YWHAG: variants seen among roughly 807,000 people sequenced by gnomAD.
The protein encoded by YWHAG is 14-3-3 protein gamma.
A neutral mutation model predicts 23.3 loss-of-function variants in YWHAG; 1 was observed. The observed-to-expected ratio is 0.04, with a 90% CI of 0.02 to 0.20. The LOEUF (loss-of-function observed/expected upper bound fraction) is 0.20. Among genes scored for constraint, YWHAG ranks in the 10% least tolerant of loss-of-function variants. YWHAG has a pLI of 1.00. For synonymous variants in YWHAG, 160 were observed against 144.0 expected, an observed-to-expected ratio of 1.11 and a Z score of -0.80; for missense variants, 151 against 338.6, an observed-to-expected ratio of 0.45 and a Z score of 4.35.
chr7:76,358,962 C>A lies in YWHAG; in HGVS notation c.-154G>T, dbSNP rs937025773. On this transcript the variant is annotated 5_prime_UTR_variant, in exon 1 of 2. Coordinates refer to ENST00000307630, the MANE Select transcript of YWHAG (RefSeq NM_012479.4). ...TGCGCGGAGGAGGCGGCTGGAGCTG[C>A]GACCGCGGGACCGGGCGCGAGGCGG... is the stretch of plus-strand genomic sequence containing the variant. The A allele has an allele frequency of 4.9e-6, 3 of 615,720 alleles. No homozygotes were observed. The highest frequency in any genetic ancestry group is 3.9e-5 in the African/African-American group (2 of 51,730). The allele number at this position is 615,720 out of a possible 1,614,324, so 38.1% of individuals were successfully genotyped here.
Position 76,328,814 on chromosome 7 carries a change from C to T in YWHAG, c.*763G>A, listed in dbSNP as rs972499085. The T allele has an allele frequency of 6.6e-5, 10 of 150,594 alleles. No individual in the cohort carries two copies. Among genetic ancestry groups the T allele is most frequent in the African/African-American group, 2.5e-4 (10 of 40,800 alleles). The allele number at this position is 150,594 out of a possible 1,614,324, so 9.3% of individuals were successfully genotyped here. ...AAAGAAGGACCAAAAAAAAAAAATC[C>T]CACAGCCACCTGACCTGAAGTCGCT... On this transcript the variant is annotated 3_prime_UTR_variant, in exon 2 of 2. Transcript: ENST00000307630.
At chr7:76,356,631 T>C (rs1474681663) in intron 1 of YWHAG, among the ~76,000 whole-genome samples, 1 of 152,238 alleles carries the variant, frequency 6.6e-6, no homozygotes. Flanking sequence ...TTGTTTAAAA[T>C]TTCTTTTATT....
Position 76,329,388 on chromosome 7 carries a change from A to G in YWHAG, c.*189T>C, listed in dbSNP as rs1242226100. ...CTGCTATTCCAATACCAGCACAGCTAGCCTGACTTTCCACTAGTGGTATTT... is the reference window on the plus strand; with the variant it reads ...CTGCTATTCCAATACCAGCACAGCTGGCCTGACTTTCCACTAGTGGTATTT... On this transcript the variant is annotated 3_prime_UTR_variant, in exon 2 of 2. Coordinates refer to ENST00000307630, the MANE Select transcript of YWHAG (RefSeq NM_012479.4). The surrounding 1 kb of genome is among the most constrained non-coding windows in gnomAD (Gnocchi z 6.1). 2.9e-6 allele frequency: 2 copies of G among 678,284 alleles called. No individual in the cohort carries two copies. The highest frequency in any genetic ancestry group is 4.9e-6 in the Non-Finnish European group (2 of 412,146). 42.0% of individuals were successfully genotyped at this position (678,284 alleles called of 1,614,324 possible).
chr7:76,330,306 T>C (rs761972667), intron 1 of YWHAG, 73 bp from the exon 2 acceptor site: 10 of 1,456,586 alleles, frequency 6.9e-6, no homozygotes, highest in Non-Finnish European at 8.3e-6. Context: ...TTTGAGACAC[T>C]AGAACAGAGC....
chr7:76,342,124 T>C (rs1043565474), intron 1 of YWHAG, among the ~76,000 whole-genome samples: 3 of 152,214 alleles, frequency 2.0e-5, no homozygotes, highest in Admixed American at 6.5e-5. Flanking sequence ...TCTAGTAATG[T>C]AGTGCAGGTT....
intron 1 of YWHAG, among the ~76,000 whole-genome samples, chr7:76,356,863 G>A (rs756056856): frequency 2.0e-5 from 3 of 152,168 alleles, no homozygotes; most frequent in Non-Finnish European, 2.9e-5. Flanking sequence ...GGAATATGAA[G>A]TGCTCGATTC....
intron 1 of YWHAG, among the ~76,000 whole-genome samples, chr7:76,347,253 C>CT (rs1488607245): frequency 6.6e-6 from 1 of 152,218 alleles, no homozygotes; most frequent in Non-Finnish European, 1.5e-5. Flanking sequence ...GCATTTATTT[C>CT]TTTCACCTGC....
intron 1 of YWHAG, among the ~76,000 whole-genome samples, chr7:76,346,126 G>A (rs975306035): frequency 6.6e-6 from 1 of 151,882 alleles, no homozygotes; most frequent in Admixed American, 6.6e-5. Context: ...ACTGTCTTCC[G>A]ACCCCAGGCA....
At chr7:76,335,017 C>G (rs189930052) in intron 1 of YWHAG, among the ~76,000 whole-genome samples, 1 of 152,132 alleles carries the variant, frequency 6.6e-6, no homozygotes, top group Non-Finnish European at 1.5e-5. Flanking sequence ...AAGTTTCTGC[C>G]TTCTCTACTA....
intron 1 of YWHAG, among the ~76,000 whole-genome samples, chr7:76,338,084 T>C (rs1361457496): frequency 6.6e-6 from 1 of 152,070 alleles, no homozygotes; most frequent in African/African-American, 2.4e-5. Context: ...TACATCACAT[T>C]GTATCACAAC....
intron 1 of YWHAG, among the ~76,000 whole-genome samples, chr7:76,347,161 TTC>T (rs1803790939): frequency 6.6e-6 from 1 of 152,182 alleles, no homozygotes; most frequent in Non-Finnish European, 1.5e-5. Flanking sequence ...TTACTTCAAT[TTC>T]TTTTGTGGAA....
At chr7:76,334,676 A>C (rs1803592349) in intron 1 of YWHAG, among the ~76,000 whole-genome samples, 1 of 151,894 alleles carries the variant, frequency 6.6e-6, no homozygotes, top group South Asian at 2.1e-4. Context: ...TTGGCCTCCT[A>C]AAGTTCTGGG....
chr7:76,337,423 C>T (rs1303597668), intron 1 of YWHAG, among the ~76,000 whole-genome samples: 1 of 152,174 alleles, frequency 6.6e-6, no homozygotes, highest in East Asian at 1.9e-4. Flanking sequence ...CACATATTGT[C>T]ACAGCTTGGA....
chr7:76,345,202 T>G (rs1438842390), intron 1 of YWHAG, among the ~76,000 whole-genome samples: 3 of 150,448 alleles, frequency 2.0e-5, no homozygotes, highest in African/African-American at 7.3e-5. Flanking sequence ...TTTTTTTTTT[T>G]GGAGACGGAG....
intron 1 of YWHAG, among the ~76,000 whole-genome samples, chr7:76,335,634 C>T (rs1158269904): frequency 1.3e-5 from 2 of 152,136 alleles, no homozygotes; most frequent in Admixed American, 6.5e-5. Context: ...TCACAATTTC[C>T]TTATCTACCA....
At chr7:76,352,104 A>G (rs2115650027) in intron 1 of YWHAG, among the ~76,000 whole-genome samples, 1 of 152,352 alleles carries the variant, frequency 6.6e-6, no homozygotes, top group South Asian at 2.1e-4. Flanking sequence ...TTGCTACAAA[A>G]GCAGTCTGTA....
chr7:76,348,002 G>A (rs1583991223), intron 1 of YWHAG, among the ~76,000 whole-genome samples: 1 of 152,318 alleles, frequency 6.6e-6, no homozygotes, highest in East Asian at 1.9e-4. Context: ...CACTTGTATT[G>A]AGTAATACAT....
rs1803491931 is a variant in YWHAG, at chr7:76,328,670, T to C, written c.*907A>G. 6.6e-6 allele frequency: 1 copy of C among 152,208 alleles called. No homozygotes were observed. Among genetic ancestry groups the C allele is most frequent in the Non-Finnish European group, 1.5e-5 (1 of 68,066 alleles). 9.4% of individuals were successfully genotyped at this position (152,208 alleles called of 1,614,324 possible). On this transcript the variant is annotated 3_prime_UTR_variant, in exon 2 of 2. Coordinates refer to ENST00000307630, the MANE Select transcript of YWHAG (RefSeq NM_012479.4). ...CTGCAGCAGCTTCAGAAGCGGGATG[T>C]TCTCTGAAAATACCAACACGATCCA...
chr7:76,337,125 T>C (rs1257703396), intron 1 of YWHAG, among the ~76,000 whole-genome samples: 1 of 152,228 alleles, frequency 6.6e-6, no homozygotes, highest in African/African-American at 2.4e-5. Context: ...CTCCCTTCTG[T>C]GCAGAAGAGT....
Sources: gnomAD v4.1 joint callset for allele counts (sites outside exome capture counted in the v4.1 genomes callset) on GRCh38, gnomAD v4.1.1 for gene constraint, Gnocchi (gnomAD v3.1) non-coding constraint, MANE v1.5 for transcripts, NCBI Gene and HGNC (gene_info 2026-07-23, HGNC 2026-07-21) for gene names.